The following SLIT3 variants were observed in gnomAD, a reference collection of about 807,000 sequenced individuals.
SLIT3 encodes slit guidance ligand 3, also known as slit homolog 3 protein.
A neutral mutation model predicts 184.0 loss-of-function variants in SLIT3; 68 were observed. The observed-to-expected ratio is 0.37, with a 90% CI of 0.30 to 0.45. The LOEUF is 0.45. Ranked by LOEUF, SLIT3 falls within the 20% of genes least tolerant of loss-of-function variation. The pLI is 1.00. For missense variants in SLIT3, 1,707 were observed against 2,026.0 expected, an observed-to-expected ratio of 0.84 and a Z score of 3.02; for synonymous variants, 831 against 828.6, an observed-to-expected ratio of 1.00 and a Z score of -0.05.
At chr5:168,778,744 C>T (rs1226769503) in intron 12 of SLIT3, among the ~76,000 whole-genome samples, 1 of 152,224 alleles carries the variant, frequency 6.6e-6, no homozygotes, top group Non-Finnish European at 1.5e-5. Flanking sequence ...AGCAATAGCA[C>T]ACAAGGTGGG....
At chr5:168,887,307 G>A (rs1760256849) in intron 4 of SLIT3, among the ~76,000 whole-genome samples, 1 of 152,070 alleles carries the variant, frequency 6.6e-6, no homozygotes, top group African/African-American at 2.4e-5. Context: ...GTGTTAAATG[G>A]CAGTTGGTGG....
intron 1 of SLIT3, among the ~76,000 whole-genome samples, chr5:169,293,289 T>C (rs1292876132): frequency 2.0e-5 from 3 of 152,118 alleles, no homozygotes; most frequent in Non-Finnish European, 2.9e-5. Context: ...GTTTTTTTAA[T>C]GGAATAAATT....
At chr5:169,191,172 T>G (rs1456632287) in intron 4 of SLIT3, among the ~76,000 whole-genome samples, 1 of 152,148 alleles carries the variant, frequency 6.6e-6, no homozygotes, top group African/African-American at 2.4e-5. Context: ...AATGAATGAA[T>G]AGTGGATAAA....
chr5:169,258,046 C>T (rs1460858265), intron 1 of SLIT3, among the ~76,000 whole-genome samples: 1 of 152,152 alleles, frequency 6.6e-6, no homozygotes, highest in African/African-American at 2.4e-5. Context: ...ATGGTAGGTA[C>T]TATTACCTCA....
intron 5 of SLIT3, among the ~76,000 whole-genome samples, chr5:168,880,099 C>A (rs1004223493): frequency 6.6e-6 from 1 of 152,192 alleles, no homozygotes; most frequent in African/African-American, 2.4e-5. Context: ...CTTACTTTGG[C>A]CTCTTTCTCC....
chr5:168,843,361 C>G (rs1201477128), intron 6 of SLIT3, among the ~76,000 whole-genome samples: 1 of 152,140 alleles, frequency 6.6e-6, no homozygotes, highest in Non-Finnish European at 1.5e-5. Context: ...ATTCATTCAC[C>G]TGTTTATTTG....
chr5:168,686,046 G>C (rs997329039), intron 30 of SLIT3, 119 bp from the exon 31 acceptor site: 1 of 1,176,106 alleles, frequency 8.5e-7, no homozygotes, highest in Non-Finnish European at 1.1e-6. Flanking sequence ...AATGACACTA[G>C]TTCTAGGGGC....
At chr5:168,891,965 A>G (rs11134543) in intron 4 of SLIT3, among the ~76,000 whole-genome samples, 59,308 of 152,014 alleles carry the variant, frequency 0.39, 12,559 homozygotes, top group East Asian at 0.61. Context: ...TCTCTGTGCC[A>G]GCCAATTGGA....
At chr5:168,700,706 C>G in intron 26 of SLIT3, 27 bp from the exon 27 acceptor site, 2 of 1,579,702 alleles carry the variant, frequency 1.3e-6, no homozygotes, top group South Asian at 2.2e-5. Flanking sequence ...GGAGAAGCAC[C>G]TGGTTAGGGG....
rs552325716 is a variant in SLIT3, at chr5:168,859,351, AT to A, written c.486-14697del. ...AGATGATGTAAATCCAGGGTTCACGATGGTTATGAAGCTATTTAGAATTGTA... is the reference window on the plus strand; with the variant it reads ...AGATGATGTAAATCCAGGGTTCACGAGGTTATGAAGCTATTTAGAATTGTA... On this transcript the variant is annotated intron_variant, in intron 5 of 35. Transcript: ENST00000519560. Among the ~76,000 whole-genome samples the A allele has an allele frequency of 2.0e-3, 303 of 152,310 alleles. 2 individuals are homozygous for A. The highest frequency in any genetic ancestry group is 3.1e-3 in the Non-Finnish European group (208 of 68,026).
At chr5:168,713,112 C>T (rs369255111) in intron 23 of SLIT3, among the ~76,000 whole-genome samples, 5 of 152,164 alleles carry the variant, frequency 3.3e-5, no homozygotes, top group South Asian at 4.2e-4. Flanking sequence ...CCTCAGCTCC[C>T]GAGGAGAGTC....
intron 27 of SLIT3, among the ~76,000 whole-genome samples, chr5:168,697,802 C>G (rs1054314575): frequency 6.6e-6 from 1 of 152,214 alleles, no homozygotes; most frequent in Non-Finnish European, 1.5e-5. Context: ...ATGAAAAAGG[C>G]TACTTCTTCA....
chr5:168,988,725 A>T (rs1755216508), intron 4 of SLIT3, among the ~76,000 whole-genome samples: 1 of 152,188 alleles, frequency 6.6e-6, no homozygotes, highest in Non-Finnish European at 1.5e-5. Flanking sequence ...TGGATGGAAA[A>T]TCTTCACGGA....
chr5:168,975,600 G>A (rs996473158), intron 4 of SLIT3, among the ~76,000 whole-genome samples: 4 of 152,066 alleles, frequency 2.6e-5, no homozygotes, highest in East Asian at 1.9e-4. Context: ...GCAGGCTCAC[G>A]TGAAGGTTGT....
At chr5:169,263,981 T>G (rs1258763493) in intron 1 of SLIT3, among the ~76,000 whole-genome samples, 2 of 151,448 alleles carry the variant, frequency 1.3e-5, no homozygotes. Context: ...TTTTTTTTTT[T>G]TAAACATTTT....
chr5:168,797,235 C>T (rs1756594434), intron 9 of SLIT3, among the ~76,000 whole-genome samples: 1 of 152,102 alleles, frequency 6.6e-6, no homozygotes, highest in South Asian at 2.1e-4. Flanking sequence ...AGGACATGCT[C>T]ATTTTCCAGC....
chr5:168,959,496 A>G (rs1183610485), intron 4 of SLIT3, among the ~76,000 whole-genome samples: 1 of 152,222 alleles, frequency 6.6e-6, no homozygotes, highest in Non-Finnish European at 1.5e-5. Context: ...GCGTCTGTGC[A>G]GGATAAAGCA....
intron 20 of SLIT3, among the ~76,000 whole-genome samples, chr5:168,726,709 A>G (rs1012963410): frequency 6.6e-6 from 1 of 152,030 alleles, no homozygotes; most frequent in Non-Finnish European, 1.5e-5. Flanking sequence ...GTGGTGGCTC[A>G]TGCCTGTAAT....
chr5:169,185,368 C>T (rs996392898), intron 4 of SLIT3, among the ~76,000 whole-genome samples: 1 of 152,136 alleles, frequency 6.6e-6, no homozygotes, highest in African/African-American at 2.4e-5. Flanking sequence ...CTGGTCTTGC[C>T]GTCCCCCGGC....
Sources: gnomAD v4.1 joint callset for allele counts (sites outside exome capture counted in the v4.1 genomes callset) on GRCh38, gnomAD v4.1.1 for gene constraint, MANE v1.5 for transcripts, NCBI Gene and HGNC (gene_info 2026-07-23, HGNC 2026-07-21) for gene names.